Variants in RABGAP1L observed in about 807,000 individuals in gnomAD.
RABGAP1L encodes the protein RAB GTPase activating protein 1 like, also known as rab GTPase-activating protein 1-like.
In RABGAP1L, 63 loss-of-function variants were observed where a neutral mutation model predicts 137.7. That is an observed-to-expected ratio of 0.46 (90% CI 0.37 to 0.56). The LOEUF (loss-of-function observed/expected upper bound fraction) is 0.56. Ranked by LOEUF, RABGAP1L falls within the 20% of genes least tolerant of loss-of-function variation. The probability of loss-of-function intolerance (pLI) is 0.00; values close to 1 mark genes in which losing one functional copy is unlikely to be tolerated. For synonymous variants in RABGAP1L, 431 were observed against 433.7 expected (o/e 0.99, Z 0.08); for missense variants, 1,095 against 1,244.0 (o/e 0.88, Z 1.80).
At chr1:174,547,926 C>T in intron 13 of RABGAP1L, 3 of 1,550,202 alleles carry the variant, frequency 1.9e-6, no homozygotes, top group Non-Finnish European at 8.7e-7. Context: ...CACCCTGTAA[C>T]CAGCTGCAAT....
At chr1:174,315,374 C>T (rs1393719106) in intron 11 of RABGAP1L, among the ~76,000 whole-genome samples, 1 of 152,058 alleles carries the variant, frequency 6.6e-6, no homozygotes, top group Non-Finnish European at 1.5e-5. Context: ...TATTCTCCGT[C>T]TATATGTGTC....
intron 19 of RABGAP1L, chr1:174,849,577 A>T (rs1248608038): frequency 1.7e-5 from 6 of 355,736 alleles, no homozygotes; most frequent in South Asian, 1.1e-4. Context: ...CACAATTAGC[A>T]TTAAACACAT....
intron 13 of RABGAP1L, among the ~76,000 whole-genome samples, chr1:174,621,259 G>A (rs1572557590): frequency 6.6e-6 from 1 of 152,070 alleles, no homozygotes; most frequent in Non-Finnish European, 1.5e-5. Flanking sequence ...AATCAATATC[G>A]TGAAAATGGC....
chr1:174,827,210 T>G (rs528953699), intron 19 of RABGAP1L, among the ~76,000 whole-genome samples: 2 of 152,248 alleles, frequency 1.3e-5, no homozygotes, highest in East Asian at 3.9e-4. Context: ...ACAGGTGTGA[T>G]TATAGCTCAC....
At chr1:174,748,519 C>T (rs932720841) in intron 17 of RABGAP1L, among the ~76,000 whole-genome samples, 1 of 152,236 alleles carries the variant, frequency 6.6e-6, no homozygotes, top group Non-Finnish European at 1.5e-5. Flanking sequence ...GTCCTGAGAA[C>T]ATGTGCCCAA....
rs1466172180 is a variant in RABGAP1L, at chr1:174,540,124, A to G, written c.1711-97251A>G. ...AAGTGTCTGTTCATATCCTTTGCCC[A>G]CTTTTTGATGGGGTAGTTTGATTTT... On this transcript the variant is annotated intron_variant, in intron 13 of 25. Transcript: ENST00000681986. 2.6e-5 allele frequency among the ~76,000 whole-genome samples: 4 copies of G among 152,092 alleles called. No individual in the cohort carries two copies. In the East Asian group the frequency reaches 7.7e-4, roughly 29 times the overall value.
intron 7 of RABGAP1L, among the ~76,000 whole-genome samples, chr1:174,254,053 C>T (rs942663159): frequency 1.3e-4 from 19 of 151,974 alleles, no homozygotes; most frequent in African/African-American, 4.3e-4. Flanking sequence ...CACTTCTGTT[C>T]CTCTTAAATA....
chr1:174,640,211 C>T (rs948745261), intron 14 of RABGAP1L, among the ~76,000 whole-genome samples: 15 of 152,060 alleles, frequency 9.9e-5, no homozygotes, highest in African/African-American at 1.9e-4. Flanking sequence ...GTGATTGACC[C>T]GGTTCCTTCC....
At chr1:174,974,394 C>G (rs1670468508) in intron 21 of RABGAP1L, among the ~76,000 whole-genome samples, 2 of 152,108 alleles carry the variant, frequency 1.3e-5, no homozygotes, top group African/African-American at 4.8e-5. Context: ...GCTTGGGGCT[C>G]TAGAATGGAA....
intron 11 of RABGAP1L, among the ~76,000 whole-genome samples, chr1:174,361,325 A>G (rs1425365803): frequency 6.7e-6 from 1 of 149,942 alleles, no homozygotes; most frequent in African/African-American, 2.5e-5. Context: ...GAAGAATGTC[A>G]TTGGTATTTT....
chr1:174,629,581 G>A (rs1360461758), intron 13 of RABGAP1L, among the ~76,000 whole-genome samples: 2 of 152,056 alleles, frequency 1.3e-5, no homozygotes, highest in African/African-American at 4.8e-5. Context: ...GTCGCCCAGT[G>A]GCACGATCTC....
chr1:174,755,141 T>G (rs1020309515), intron 18 of RABGAP1L, among the ~76,000 whole-genome samples: 4 of 152,170 alleles, frequency 2.6e-5, no homozygotes, highest in Admixed American at 6.5e-5. Flanking sequence ...GGGATAGATA[T>G]AGGATGAATT....
chr1:174,776,342 T>C (rs774631634), intron 18 of RABGAP1L, among the ~76,000 whole-genome samples: 24 of 151,968 alleles, frequency 1.6e-4, no homozygotes, highest in Non-Finnish European at 3.1e-4. Flanking sequence ...ACCACTGCAC[T>C]CCAGCCTGGA....
chr1:174,880,919 C>G (rs1654091099), intron 19 of RABGAP1L, among the ~76,000 whole-genome samples: 2 of 152,078 alleles, frequency 1.3e-5, no homozygotes, highest in Admixed American at 1.3e-4. Flanking sequence ...GCTGAGTCTT[C>G]AAAAACTAAC....
At chr1:174,331,259 T>G (rs1681004412) in intron 11 of RABGAP1L, among the ~76,000 whole-genome samples, 1 of 152,060 alleles carries the variant, frequency 6.6e-6, no homozygotes, top group Non-Finnish European at 1.5e-5. Context: ...AGAAACACTG[T>G]AAGTGATTGG....
chr1:174,583,338 C>T (rs1481208158), intron 13 of RABGAP1L, among the ~76,000 whole-genome samples: 1 of 152,126 alleles, frequency 6.6e-6, no homozygotes, highest in East Asian at 1.9e-4. Context: ...TCTCTTCTTT[C>T]CTGCCCATCT....
chr1:174,366,870 A>G (rs553253497), intron 11 of RABGAP1L, among the ~76,000 whole-genome samples: 4 of 152,140 alleles, frequency 2.6e-5, no homozygotes, highest in South Asian at 2.1e-4. Context: ...AAAGAAGTCA[A>G]ACAGATAATG....
chr1:174,805,647 G>A (rs931684129), intron 18 of RABGAP1L, among the ~76,000 whole-genome samples: 7 of 152,072 alleles, frequency 4.6e-5, no homozygotes, highest in Admixed American at 2.0e-4. Flanking sequence ...GACTACAGGT[G>A]CGTGCCACCA....
At chr1:174,545,963 C>T (rs1352078267) in intron 13 of RABGAP1L, 1 of 152,040 alleles carries the variant, frequency 6.6e-6, no homozygotes, top group African/African-American at 2.4e-5. Flanking sequence ...TATATGGCAT[C>T]TATTTTAGCA....
Sources: gnomAD v4.1 joint callset for allele counts (sites outside exome capture counted in the v4.1 genomes callset) on GRCh38, gnomAD v4.1.1 for gene constraint, MANE v1.5 for transcripts, NCBI Gene and HGNC (gene_info 2026-07-23, HGNC 2026-07-21) for gene names.